Variants in DPP10 observed in about 807,000 individuals in gnomAD.
The protein encoded by DPP10 is inactive dipeptidyl peptidase 10.
A neutral mutation model predicts 120.9 loss-of-function variants in DPP10; 33 were observed. The observed-to-expected ratio is 0.27, with a 90% CI of 0.21 to 0.37. DPP10 has a LOEUF of 0.37. Among genes scored for constraint, DPP10 ranks in the 10% least tolerant of loss-of-function variants. The pLI, the probability that DPP10 is intolerant of heterozygous loss-of-function variation, is 1.00. For missense variants in DPP10, 816 were observed against 942.8 expected (o/e 0.87, Z 1.76); for synonymous variants, 337 against 326.1 (o/e 1.03, Z -0.36).
At chr2:114,521,149 T>C (rs996672872) in intron 1 of DPP10, among the ~76,000 whole-genome samples, 2 of 152,044 alleles carry the variant, frequency 1.3e-5, no homozygotes, top group African/African-American at 4.8e-5. Context: ...TTCATACTTT[T>C]AAGTAAAATG....
chr2:114,741,980 TA>T (rs1678110420), intron 1 of DPP10, among the ~76,000 whole-genome samples: 1 of 152,188 alleles, frequency 6.6e-6, no homozygotes, highest in African/African-American at 2.4e-5. Flanking sequence ...GGGATTTACC[TA>T]ACACCACAAG....
At chr2:115,727,992 T>C in intron 8 of DPP10, 56 bp downstream of exon 8, 2 of 1,550,928 alleles carry the variant, frequency 1.3e-6, no homozygotes, top group Non-Finnish European at 1.7e-6. Context: ...TTATACAAAA[T>C]CTACCAAAAA....
chr2:115,715,141 A>G (rs2092449277), intron 7 of DPP10, among the ~76,000 whole-genome samples: 4 of 151,764 alleles, frequency 2.6e-5, no homozygotes, highest in Admixed American at 2.6e-4. Context: ...GGAGTTCAAG[A>G]CCAGCCTGAC....
At chr2:114,852,974 A>T (rs563840939) in intron 1 of DPP10, among the ~76,000 whole-genome samples, 1 of 152,210 alleles carries the variant, frequency 6.6e-6, no homozygotes. Context: ...ACACCTGTGC[A>T]GGCTGTGTTT....
At chr2:115,302,257 C>A (rs1045256842) in intron 1 of DPP10, among the ~76,000 whole-genome samples, 1 of 151,978 alleles carries the variant, frequency 6.6e-6, no homozygotes, top group East Asian at 1.9e-4. Context: ...TCCCACTAGG[C>A]CCCTTCTCCA....
At chr2:115,611,961 AGTTTGGCATATTCACAAAT>A (rs1352783115) in intron 5 of DPP10, among the ~76,000 whole-genome samples, 1 of 152,174 alleles carries the variant, frequency 6.6e-6, no homozygotes, top group East Asian at 1.9e-4. Context: ...CCTAACTCCC[AGTTTGGCATATTCACAAAT>A]GTTAGATTTA....
intron 1 of DPP10, among the ~76,000 whole-genome samples, chr2:114,829,764 C>A (rs547819768): frequency 6.6e-6 from 1 of 152,108 alleles, no homozygotes; most frequent in South Asian, 2.1e-4. Flanking sequence ...ACCATTATTA[C>A]TATTTTTTCA....
rs117077334 is a variant in DPP10 at position 115,363,245 on chromosome 2, G to T, written c.271+19333G>T. 9.8e-4 allele frequency among the ~76,000 whole-genome samples: 149 copies of T among 152,206 alleles called. 2 individuals carry two copies. In the East Asian group the frequency reaches 0.026, roughly 27 times the overall value. On this transcript the variant is annotated intron_variant, in intron 3 of 25. Transcript: ENST00000410059. ...AATGCTAATTATTTAATTTGTCTCT[G>T]TCACCCACATCTGTGATAAAATAGT...
intron 1 of DPP10, among the ~76,000 whole-genome samples, chr2:115,233,038 C>CCTCTTA: frequency 9.7e-6 from 1 of 103,156 alleles, no homozygotes; most frequent in Admixed American, 1.1e-4. Flanking sequence ...TGTCTATCGT[C>CCTCTTA]ATCTTAATCT....
At chr2:115,258,479 C>CA (rs59149975) in intron 1 of DPP10, among the ~76,000 whole-genome samples, 27,644 of 104,490 alleles carry the variant, frequency 0.26, 2,817 homozygotes, top group East Asian at 0.43. Flanking sequence ...TCCAAGTTGG[C>CA]AAAAAAAAAA....
intron 3 of DPP10, among the ~76,000 whole-genome samples, chr2:115,454,498 A>G (rs1395426898): frequency 1.3e-5 from 2 of 151,936 alleles, no homozygotes; most frequent in East Asian, 3.9e-4. Context: ...AGTGAACTCA[A>G]TATACAGAAA....
At chr2:115,552,792 G>A (rs761524863) in intron 5 of DPP10, among the ~76,000 whole-genome samples, 4 of 152,034 alleles carry the variant, frequency 2.6e-5, no homozygotes, top group Non-Finnish European at 4.4e-5. Context: ...GGCTGGGATA[G>A]CATTAAACAT....
rs370675960 is a variant in DPP10, at chr2:115,827,942, G to A, written c.1951-8215G>A. ...ACAAATTTAAATATAGTGTTTAAATGTTTATATATTTACCCAGGTGACTAC... is the reference window on the plus strand; with the variant it reads ...ACAAATTTAAATATAGTGTTTAAATATTTATATATTTACCCAGGTGACTAC... On this transcript the variant is annotated intron_variant, in intron 21 of 25. Coordinates refer to ENST00000410059, the MANE Select transcript of DPP10 (RefSeq NM_020868.6). Among the ~76,000 whole-genome samples, 4 of 152,098 alleles carry A rather than the reference G, an allele frequency of 2.6e-5. No individual in the cohort carries two copies. In the East Asian group the frequency reaches 7.8e-4, roughly 30 times the overall value.
chr2:115,675,443 CCA>C (rs34841599), intron 5 of DPP10, among the ~76,000 whole-genome samples: 106,245 of 151,738 alleles, frequency 0.7, 37,626 homozygotes, highest in East Asian at 0.91. Context: ...TAACAGCAAA[CCA>C]CACACATTGA....
chr2:115,008,435 G>T (rs1485565868), intron 1 of DPP10, among the ~76,000 whole-genome samples: 2 of 133,772 alleles, frequency 1.5e-5, no homozygotes, highest in Non-Finnish European at 3.3e-5. Flanking sequence ...ATTCAAGATG[G>T]ATTAAAGACT....
chr2:115,686,373 G>A (rs1438879711), intron 5 of DPP10, among the ~76,000 whole-genome samples: 1 of 152,002 alleles, frequency 6.6e-6, no homozygotes, highest in Non-Finnish European at 1.5e-5. Context: ...AAAATAAGGT[G>A]TCTTTAAACA....
chr2:114,735,295 A>G (rs1185035756), intron 1 of DPP10, among the ~76,000 whole-genome samples: 2 of 152,136 alleles, frequency 1.3e-5, no homozygotes, highest in Admixed American at 6.6e-5. Context: ...CAAGAACACC[A>G]CCCAGTCTGA....
chr2:115,161,962 G>C (rs1435538123), intron 1 of DPP10: 1 of 1,433,402 alleles, frequency 7.0e-7, no homozygotes, highest in Non-Finnish European at 9.1e-7. Context: ...CGGCGATGAC[G>C]GCCGCGAAGC....
chr2:114,933,723 G>A (rs1696249797), intron 1 of DPP10, among the ~76,000 whole-genome samples: 1 of 152,214 alleles, frequency 6.6e-6, no homozygotes, highest in African/African-American at 2.4e-5. Flanking sequence ...ATTTGGAAGA[G>A]AGGTTCTCTT....
Sources: allele counts gnomAD v4.1 joint callset (sites outside exome capture counted in the v4.1 genomes callset), GRCh38; gene constraint gnomAD v4.1.1; transcripts MANE v1.5; gene names NCBI Gene and HGNC (gene_info 2026-07-23, HGNC 2026-07-21).